The following MACO1 variants were observed in gnomAD, a reference collection of about 807,000 sequenced individuals.
The protein encoded by MACO1 is macoilin 1, also known as macoilin.
A neutral mutation model predicts 78.7 loss-of-function variants in MACO1; 14 were observed. The observed-to-expected ratio is 0.18, with a 90% confidence interval of 0.12 to 0.28. The LOEUF (loss-of-function observed/expected upper bound fraction) is 0.28. Among genes scored for constraint, MACO1 ranks in the 10% least tolerant of loss-of-function variants. The pLI is 1.00. For synonymous variants in MACO1, 288 were observed against 291.6 expected (o/e 0.99, Z 0.12); for missense variants, 501 against 799.0 (o/e 0.63, Z 4.50).
At chr1:25,467,674 C>T (rs1454892560) in intron 6 of MACO1, among the ~76,000 whole-genome samples, 1 of 151,144 alleles carries the variant, frequency 6.6e-6, no homozygotes, top group Non-Finnish European at 1.5e-5. Flanking sequence ...GGAAATGTAT[C>T]CAGAGTTTGC....
chr1:25,468,576 A>G (rs961304365), intron 6 of MACO1, among the ~76,000 whole-genome samples: 2 of 152,228 alleles, frequency 1.3e-5, no homozygotes, highest in African/African-American at 4.8e-5. Context: ...AAAGTGTAAT[A>G]TATTGAATAC....
chr1:25,437,112 G>A (rs1017316673), intron 1 of MACO1, among the ~76,000 whole-genome samples: 9 of 148,992 alleles, frequency 6.0e-5, no homozygotes, highest in African/African-American at 2.0e-4. Context: ...GAATCATATT[G>A]TTACGTTGTT....
intron 1 of MACO1, among the ~76,000 whole-genome samples, chr1:25,437,228 G>T (rs1430577331): frequency 6.7e-6 from 1 of 150,212 alleles, no homozygotes; most frequent in East Asian, 2.0e-4. Flanking sequence ...TTCATCTCCT[G>T]GGTTCAAGAG....
At chr1:25,481,621 C>T (rs2043379290) in intron 6 of MACO1, among the ~76,000 whole-genome samples, 1 of 152,200 alleles carries the variant, frequency 6.6e-6, no homozygotes, top group Non-Finnish European at 1.5e-5. Context: ...AAGAGGATAG[C>T]CTGACAGCAT....
intron 10 of MACO1, among the ~76,000 whole-genome samples, chr1:25,492,248 A>C (rs1415131703): frequency 6.6e-6 from 1 of 152,176 alleles, no homozygotes; most frequent in African/African-American, 2.4e-5. Flanking sequence ...CCATAAGATG[A>C]CTTGAAAATA....
intron 5 of MACO1, 120 bp from the exon 6 acceptor site, chr1:25,458,271 T>C: frequency 7.3e-7 from 1 of 1,377,828 alleles, no homozygotes; most frequent in Non-Finnish European, 9.7e-7. Context: ...ATAATGAGTG[T>C]GCAAACTAAT....
Position 25,438,605 on chromosome 1 carries a change from A to G in MACO1, c.80+7427A>G, listed in dbSNP as rs936975183. On this transcript the variant is annotated intron_variant, in intron 1 of 10. Coordinates refer to ENST00000374343, the MANE Select transcript of MACO1 (RefSeq NM_018202.6). ...CTAAAATGGATAAGGGAAATTCTAT[A>G]TAAAGAAGTGGACATGACTGGGCCC... Among the ~76,000 whole-genome samples the G allele has an allele frequency of 2.6e-5, 4 of 152,242 alleles. 1 individual carries two copies. The highest frequency in any genetic ancestry group is 2.6e-4 in the Admixed American group (4 of 15,286).
chr1:25,431,036 G>C lies in MACO1; in HGVS notation c.-63G>C. 1 of 1,421,028 alleles carries C rather than the reference G, an allele frequency of 7.0e-7. No homozygotes were observed. The highest frequency in any genetic ancestry group is 2.7e-5 in the East Asian group (1 of 37,238). The allele number at this position is 1,421,028 out of a possible 1,614,324, so 88.0% of individuals were successfully genotyped here. A position where few individuals can be genotyped will look rare whatever the true frequency, so the allele number is the denominator to read the frequency against. The stretch of plus-strand genomic sequence containing the variant: ...AGGCCCGACGCGGGGCGGGCCAGCG[G>C]CGGCGGCAGCTGAGGTGAGAGACGG... On this transcript the variant is annotated 5_prime_UTR_variant, in exon 1 of 11. Transcript: ENST00000374343.
At chr1:25,486,630 G>C (rs1009322296) in intron 8 of MACO1, among the ~76,000 whole-genome samples, 1 of 152,076 alleles carries the variant, frequency 6.6e-6, no homozygotes. Context: ...ATTTTGCTTT[G>C]TCGTAATTAA....
chr1:25,468,636 A>C (rs555934252), intron 6 of MACO1, among the ~76,000 whole-genome samples: 10 of 152,340 alleles, frequency 6.6e-5, no homozygotes, highest in African/African-American at 2.4e-4. Flanking sequence ...AGGCACATCA[A>C]AATGATATTA....
chr1:25,454,753 A>G (rs995420183), intron 4 of MACO1, among the ~76,000 whole-genome samples: 1 of 151,978 alleles, frequency 6.6e-6, no homozygotes, highest in African/African-American at 2.4e-5. Context: ...AAGTGCTGGG[A>G]TTATAGGTGT....
chr1:25,433,106 A>T (rs551107082), intron 1 of MACO1, among the ~76,000 whole-genome samples: 1 of 152,364 alleles, frequency 6.6e-6, no homozygotes, highest in African/African-American at 2.4e-5. Context: ...AAATCTTCTT[A>T]TGCTTCTCTG....
At position 25,498,305 on chromosome 1, in the gene MACO1, CAG is replaced by C. The variant is rs1437338489; in HGVS notation, c.1836_1837del (p.Lys613AspfsTer40). 1 of 1,614,150 alleles carries C rather than the reference CAG, an allele frequency of 6.2e-7. No homozygotes were observed. Among genetic ancestry groups the C allele is most frequent in the Non-Finnish European group, 8.5e-7 (1 of 1,180,036 alleles). On this transcript the variant is annotated frameshift_variant, in exon 11 of 11. Transcript: ENST00000374343. LOFTEE classifies it high-confidence loss of function. The stretch of plus-strand genomic sequence containing the variant: ...AGATCAGGAAATCAAGGACCTAAAA[CAG>C]AAGATAGCCGAAGTCATGGCCGTCA... Reference protein sequence around the residue: ...QKDQEIKDLKQKIAEVMAVMP... With the variant: ...QKDQEIKDLKXKIAEVMAVMP...
Position 25,458,883 on chromosome 1 carries a change from C to G in MACO1, c.1145C>G (p.Ala382Gly), listed in dbSNP as rs2043147194. Residue 382 changes from alanine to glycine, a missense_variant, in exon 6 of 11, where the codon GCA becomes GGA. Physicochemically the swap from Ala to Gly is moderately conservative, Grantham distance 60. Transcript: ENST00000374343. ...IPNNQLSKPDALVRLEQDIKK... is the reference protein window; with the variant it reads ...IPNNQLSKPDGLVRLEQDIKK... ...AATAACCAGCTAAGCAAACCAGACG[C>G]ACTGGTCAGGTAAGTGCACATGCTG... 1 of 1,612,722 alleles carries G rather than the reference C, an allele frequency of 6.2e-7. No homozygotes were observed. The highest frequency in any genetic ancestry group is 1.3e-5 in the African/African-American group (1 of 74,854).
Position 25,484,176 on chromosome 1 carries a change from A to G in MACO1, c.1215A>G (p.Gln405=), listed in dbSNP as rs746932957. 3.1e-6 allele frequency: 5 copies of G among 1,614,086 alleles called. No homozygotes were observed. In the South Asian group the frequency reaches 5.5e-5, roughly 18 times the overall value. The change falls in exon 7 of 11, where the codon CAA becomes CAG. Residue 405 remains glutamine, a synonymous_variant. Transcript: ENST00000374343. Reference sequence around the variant, plus strand: ...TGCAAGCCAGCAGACAAGTGGAACAAGAGCTCCGCAGTCAGATCAGCTCCC... The same window carrying G: ...TGCAAGCCAGCAGACAAGTGGAACAGGAGCTCCGCAGTCAGATCAGCTCCC... ...ADLQASRQVE[Q]ELRSQISSLS... is the part of the protein sequence containing the mutation.
rs1291099570 is a variant in MACO1 at position 25,491,407 on chromosome 1, T to C, written c.1618-3T>C. ...AGCATTGCTGTTTTGATGATATTGATAGGAGCTTCGGAAATATAAGGAAAA... is the reference window on the plus strand; with the variant it reads ...AGCATTGCTGTTTTGATGATATTGACAGGAGCTTCGGAAATATAAGGAAAA... On this transcript the variant is annotated splice_region_variant and splice_polypyrimidine_tract_variant and intron_variant, in intron 9 of 10. Coordinates refer to ENST00000374343, the MANE Select transcript of MACO1 (RefSeq NM_018202.6). 1.2e-6 allele frequency: 2 copies of C among 1,614,038 alleles called. No homozygotes were observed. Among genetic ancestry groups the C allele is most frequent in the African/African-American group, 1.3e-5 (1 of 74,936 alleles).
intron 6 of MACO1, 53 bp downstream of exon 6, chr1:25,458,945 T>G (rs2043147929): frequency 6.4e-6 from 10 of 1,562,578 alleles, no homozygotes; most frequent in South Asian, 2.5e-5. Flanking sequence ...CTTGACATAC[T>G]CTTGACATAC....
intron 10 of MACO1, among the ~76,000 whole-genome samples, chr1:25,491,961 C>T (rs72660961): frequency 0.29 from 44,033 of 152,002 alleles, 8,469 homozygotes; most frequent in Non-Finnish European, 0.43. Flanking sequence ...GAGGGCCTCT[C>T]CCCAGGGGAG....
intron 8 of MACO1, among the ~76,000 whole-genome samples, chr1:25,486,959 C>T (rs1292753961): frequency 6.6e-6 from 1 of 152,182 alleles, no homozygotes; most frequent in Non-Finnish European, 1.5e-5. Context: ...CTCCTCTCTC[C>T]TCAATTCATA....
Sources: gnomAD v4.1 joint callset for allele counts (sites outside exome capture counted in the v4.1 genomes callset) on GRCh38, gnomAD v4.1.1 for gene constraint, MANE v1.5 for transcripts, NCBI Gene and HGNC (gene_info 2026-07-23, HGNC 2026-07-21) for gene names.